DNM2: variants seen among roughly 807,000 people sequenced by gnomAD.
DNM2 encodes the protein dynamin 2.
A neutral mutation model predicts 99.0 loss-of-function variants in DNM2; 15 were observed. The ratio of observed to expected loss-of-function variants is 0.15; its 90% CI spans 0.10 to 0.23. The LOEUF (loss-of-function observed/expected upper bound fraction) is 0.23. Among genes scored for constraint, DNM2 ranks in the 10% least tolerant of loss-of-function variants. The probability of loss-of-function intolerance (pLI) is 1.00; values close to 1 mark genes in which losing one functional copy is unlikely to be tolerated. For missense variants in DNM2, 742 were observed against 1,189.4 expected, an observed-to-expected ratio of 0.62 and a Z score of 5.53; for synonymous variants, 525 against 481.2, an observed-to-expected ratio of 1.09 and a Z score of -1.19.
chr19:10,752,074 C>T (rs987835547), intron 1 of DNM2, among the ~76,000 whole-genome samples: 4 of 151,672 alleles, frequency 2.6e-5, no homozygotes, highest in Non-Finnish European at 4.4e-5. Context: ...AAGGTGGGCA[C>T]GTAAAAGAGA....
chr19:10,812,563 T>A lies in DNM2; in HGVS notation c.1671+186T>A, dbSNP rs1011345072. 2.0e-5 allele frequency among the ~76,000 whole-genome samples: 3 copies of A among 151,942 alleles called. No homozygotes were observed. The highest frequency in any genetic ancestry group is 7.3e-5 in the African/African-American group (3 of 41,332). ...CAGCACTTTGGGAGGGCGAGGCAGG[T>A]AGATCACGAGGTCGGGAGTTTGAGA... On this transcript the variant is annotated intron_variant, in intron 15 of 20. Transcript: ENST00000389253. The surrounding 1 kb of genome is among the most constrained non-coding windows in gnomAD (Gnocchi z 4.0).
chr19:10,767,267 CG>C (rs1353351665), intron 2 of DNM2, among the ~76,000 whole-genome samples: 2 of 151,866 alleles, frequency 1.3e-5, no homozygotes, highest in African/African-American at 4.8e-5. Flanking sequence ...GCGCATGCAG[CG>C]TTCCAGAGGC....
At chr19:10,798,409 T>G (rs2072016805) in intron 10 of DNM2, 77 bp from the exon 11 acceptor site, 2 of 1,227,402 alleles carry the variant, frequency 1.6e-6, no homozygotes, top group Admixed American at 1.8e-5. Flanking sequence ...CCCTCCGCAT[T>G]TTCTACCTGT....
chr19:10,785,904 G>A (rs1270391414), intron 6 of DNM2, among the ~76,000 whole-genome samples: 3 of 150,150 alleles, frequency 2.0e-5, no homozygotes, highest in East Asian at 2.0e-4. Context: ...TCCACCTCCC[G>A]AGTTCTTTCT....
At chr19:10,814,153 G>A (rs1044540587) in intron 15 of DNM2, among the ~76,000 whole-genome samples, 3 of 150,568 alleles carry the variant, frequency 2.0e-5, no homozygotes, top group Non-Finnish European at 4.4e-5. Flanking sequence ...GGGCGACAGA[G>A]TGAGAGACTC....
intron 6 of DNM2, among the ~76,000 whole-genome samples, chr19:10,784,456 C>G (rs944543273): frequency 1.7e-4 from 26 of 152,194 alleles, no homozygotes; most frequent in African/African-American, 5.8e-4. Context: ...AACTCCGCAG[C>G]TGGCTGGGGC....
At chr19:10,748,539 G>A (rs2070077561) in intron 1 of DNM2, among the ~76,000 whole-genome samples, 1 of 152,204 alleles carries the variant, frequency 6.6e-6, no homozygotes, top group South Asian at 2.1e-4. Flanking sequence ...TTGTTGGAAG[G>A]ATGAGGCAGG....
intron 4 of DNM2, among the ~76,000 whole-genome samples, chr19:10,776,723 C>T (rs2071167813): frequency 1.3e-5 from 2 of 152,240 alleles, no homozygotes; most frequent in South Asian, 4.1e-4. Context: ...GTCCTGGAAA[C>T]AGTCGTGTCA....
At chr19:10,824,888 G>C in intron 17 of DNM2, 169 bp from the exon 18 acceptor site, 1 of 1,002,514 alleles carries the variant, frequency 1.0e-6, no homozygotes, top group Non-Finnish European at 1.5e-6. Context: ...TCACCCCATT[G>C]TTTGGGCAGC....
At position 10,830,988 on chromosome 19, in the gene DNM2, C is replaced by T; in HGVS notation, c.2554C>T (p.Pro852Ser). 6.2e-7 allele frequency: 1 copy of T among 1,611,720 alleles called. No homozygotes were observed. Among genetic ancestry groups the T allele is most frequent in the African/African-American group, 1.3e-5 (1 of 74,936 alleles). ...TTATTCTCTTTGCAGCAGAAGACCCCCTGCTGCGCCCAGCCGGCCCACCAT... is the reference window on the plus strand; with the variant it reads ...TTATTCTCTTTGCAGCAGAAGACCCTCTGCTGCGCCCAGCCGGCCCACCAT... ...IPPGVPSRRP[P>S]AAPSRPTIIR... The change falls in exon 21 of 21, where the codon CCT (proline) becomes TCT (serine). Residue 852 changes from proline (P) to serine (S), a missense_variant. Around this residue, in one of 7 missense-constraint regions of DNM2, gnomAD observed 187 missense variants for 218.8 expected, o/e 0.85. Coordinates refer to ENST00000389253, the MANE Select transcript of DNM2 (RefSeq NM_001005361.3). This position sits in a 1 kb window ranked among gnomAD's most constrained non-coding sequence, Gnocchi z 4.8.
chr19:10,794,803 A>G (rs765739823), intron 8 of DNM2, among the ~76,000 whole-genome samples: 4 of 152,314 alleles, frequency 2.6e-5, no homozygotes, highest in East Asian at 3.9e-4. Flanking sequence ...GTGGTGGTGC[A>G]TACTGATAGT....
At chr19:10,762,569 A>T (rs1470136340) in intron 2 of DNM2, among the ~76,000 whole-genome samples, 2 of 152,140 alleles carry the variant, frequency 1.3e-5, no homozygotes, top group Non-Finnish European at 2.9e-5. Flanking sequence ...GAGGGGAGAG[A>T]AGCAGGCAGA....
intron 15 of DNM2, among the ~76,000 whole-genome samples, chr19:10,815,715 G>T (rs2072713261): frequency 6.6e-6 from 1 of 152,186 alleles, no homozygotes; most frequent in South Asian, 2.1e-4. Context: ...GGCAACCTCA[G>T]TGGAGAGGCT....
intron 13 of DNM2, among the ~76,000 whole-genome samples, chr19:10,806,625 C>T (rs1247737924): frequency 6.6e-6 from 1 of 152,102 alleles, no homozygotes; most frequent in Non-Finnish European, 1.5e-5. Flanking sequence ...AACCCCATCT[C>T]TACTAAAAAT....
chr19:10,822,435 CCT>C (rs1475897773), intron 16 of DNM2, among the ~76,000 whole-genome samples: 3 of 151,990 alleles, frequency 2.0e-5, no homozygotes, highest in African/African-American at 4.8e-5. Context: ...AAGCAATCCC[CCT>C]GTCTCAGCCT....
At chr19:10,756,199 G>A (rs527369280) in intron 1 of DNM2, among the ~76,000 whole-genome samples, 4 of 152,064 alleles carry the variant, frequency 2.6e-5, no homozygotes, top group African/African-American at 4.8e-5. Flanking sequence ...GCGCCCGCTC[G>A]CTGTTTCCCT....
intron 2 of DNM2, among the ~76,000 whole-genome samples, chr19:10,769,807 C>G (rs1220711816): frequency 6.6e-6 from 1 of 152,292 alleles, no homozygotes; most frequent in East Asian, 1.9e-4. Context: ...TTGCCCTGAT[C>G]TGGGTGGCCA....
chr19:10,818,382 C>T lies in DNM2; in HGVS notation c.1672-1598C>T, dbSNP rs886440644. On this transcript the variant is annotated intron_variant, in intron 15 of 20. Coordinates refer to ENST00000389253, the MANE Select transcript of DNM2 (RefSeq NM_001005361.3). This position sits in a 1 kb window ranked among gnomAD's most constrained non-coding sequence, Gnocchi z 4.3. ...GCAACCAAAGAAAATCCCGGGTGCT[C>T]ATGGGCACCAGCTCTGCAGTGGGCA... 1.3e-5 allele frequency among the ~76,000 whole-genome samples: 2 copies of T among 152,240 alleles called. No individual in the cohort carries two copies. Among genetic ancestry groups the T allele is most frequent in the African/African-American group, 2.4e-5 (1 of 41,456 alleles).
At chr19:10,726,029 G>C (rs1186751918) in intron 1 of DNM2, among the ~76,000 whole-genome samples, 2 of 151,980 alleles carry the variant, frequency 1.3e-5, no homozygotes, top group Non-Finnish European at 2.9e-5. Flanking sequence ...GACCATCCTG[G>C]CCAACATGGT....
Sources: gnomAD v4.1 joint callset for allele counts (sites outside exome capture counted in the v4.1 genomes callset) on GRCh38, gnomAD v4.1.1 for gene constraint, gnomAD v4.1.1 regional missense constraint, Gnocchi (gnomAD v3.1) non-coding constraint, MANE v1.5 for transcripts, NCBI Gene and HGNC (gene_info 2026-07-23, HGNC 2026-07-21) for gene names.